The following ATF7IP variants were observed in gnomAD, a reference collection of about 807,000 sequenced individuals.
The protein encoded by ATF7IP is activating transcription factor 7-interacting protein 1.
Under a neutral mutation model 106.4 loss-of-function variants are expected in ATF7IP, and 23 were observed. The ratio of observed to expected loss-of-function variants is 0.22; its 90% CI spans 0.16 to 0.31. ATF7IP has a LOEUF of 0.31. ATF7IP is among the 10% of genes least tolerant of loss of function. The pLI is 1.00. For missense variants in ATF7IP, 1,334 were observed against 1,524.3 expected (o/e 0.88, Z 2.08); for synonymous variants, 542 against 539.0 (o/e 1.01, Z -0.08).
intron 8 of ATF7IP, among the ~76,000 whole-genome samples, chr12:14,458,627 T>C (rs1755851705): frequency 6.6e-6 from 1 of 152,110 alleles, no homozygotes; most frequent in South Asian, 2.1e-4. Flanking sequence ...GTTCCGGGCC[T>C]GCCGGGGCAA....
chr12:14,433,119 A>T (rs1942223327), intron 2 of ATF7IP, among the ~76,000 whole-genome samples: 1 of 152,146 alleles, frequency 6.6e-6, no homozygotes, highest in Admixed American at 6.6e-5. Flanking sequence ...CTGTAATCCC[A>T]GCACTTTGGG....
chr12:14,368,628 A>AT (rs1179886124), intron 1 of ATF7IP, among the ~76,000 whole-genome samples: 1 of 152,120 alleles, frequency 6.6e-6, no homozygotes, highest in Non-Finnish European at 1.5e-5. Flanking sequence ...TTTGAAAAGC[A>AT]TTTTTTATCA....
chr12:14,440,129 C>A (rs1467755865), intron 5 of ATF7IP, among the ~76,000 whole-genome samples: 1 of 152,156 alleles, frequency 6.6e-6, no homozygotes, highest in Non-Finnish European at 1.5e-5. Context: ...GGAAACCGAT[C>A]CCTCTCAATC....
intron 1 of ATF7IP, among the ~76,000 whole-genome samples, chr12:14,404,575 G>A (rs1044546143): frequency 6.6e-6 from 1 of 152,060 alleles, no homozygotes; most frequent in South Asian, 2.1e-4. Context: ...TAAATGATTT[G>A]CCTAAGATCT....
intron 1 of ATF7IP, among the ~76,000 whole-genome samples, chr12:14,384,799 T>C (rs1939142953): frequency 1.3e-5 from 2 of 151,284 alleles, no homozygotes; most frequent in South Asian, 4.2e-4. Context: ...ATCAATCAAG[T>C]CATTTTCAGG....
intron 8 of ATF7IP, among the ~76,000 whole-genome samples, chr12:14,459,451 G>GT (rs1389310394): frequency 6.6e-6 from 1 of 152,168 alleles, no homozygotes; most frequent in East Asian, 1.9e-4. Context: ...AACTGACTTT[G>GT]TTTTTTACTG....
chr12:14,446,702 G>A (rs2136663523), intron 5 of ATF7IP, among the ~76,000 whole-genome samples: 1 of 152,238 alleles, frequency 6.6e-6, no homozygotes, highest in East Asian at 1.9e-4. Flanking sequence ...ACATATTCAG[G>A]AATGTACTGG....
intron 1 of ATF7IP, among the ~76,000 whole-genome samples, chr12:14,381,262 C>T (rs866866962): frequency 4.6e-5 from 7 of 152,152 alleles, no homozygotes; most frequent in African/African-American, 7.2e-5. Flanking sequence ...GACAGAGTCT[C>T]ATTCGGTCGC....
At chr12:14,489,190 A>G (rs892611660) in intron 13 of ATF7IP, among the ~76,000 whole-genome samples, 15 of 152,146 alleles carry the variant, frequency 9.9e-5, no homozygotes, top group African/African-American at 3.6e-4. Flanking sequence ...GGGCATGGTA[A>G]TACTAACAGA....
chr12:14,385,482 G>A (rs1364685260), intron 1 of ATF7IP: 40 of 1,294,232 alleles, frequency 3.1e-5, no homozygotes, highest in Admixed American at 2.3e-5. Flanking sequence ...TTACTTAGAG[G>A]GGTGAACTTA....
At chr12:14,483,504 C>G (rs1323582424) in intron 13 of ATF7IP, among the ~76,000 whole-genome samples, 1 of 152,114 alleles carries the variant, frequency 6.6e-6, no homozygotes. Context: ...ATTTTGTCTC[C>G]TGGTGGGAGC....
intron 2 of ATF7IP, among the ~76,000 whole-genome samples, chr12:14,433,497 C>T (rs1338881111): frequency 6.6e-6 from 1 of 151,972 alleles, no homozygotes; most frequent in Non-Finnish European, 1.5e-5. Context: ...GAGTGAGACT[C>T]TATCTCAAAA....
chr12:14,387,252 T>TC (rs760543345), intron 1 of ATF7IP, among the ~76,000 whole-genome samples: 18 of 152,074 alleles, frequency 1.2e-4, no homozygotes, highest in Non-Finnish European at 1.6e-4. Flanking sequence ...GGGATTCTAT[T>TC]CATCATTCCT....
At position 14,501,492 on chromosome 12, in the gene ATF7IP, C is replaced by G. The variant is rs1317042066; in HGVS notation, c.*3419C>G. 6.6e-6 allele frequency: 1 copy of G among 152,142 alleles called. No homozygotes were observed. Among genetic ancestry groups the G allele is most frequent in the Non-Finnish European group, 1.5e-5 (1 of 68,018 alleles). The allele number at this position is 152,142 out of a possible 1,614,324, so 9.4% of individuals were successfully genotyped here. A position where few individuals can be genotyped will look rare whatever the true frequency, so the allele number is the denominator to read the frequency against. ...TGCCAAGAAATTTATAAATCACATA[C>G]GAAGACGTCTGTTGCTAACAGTTAA... On this transcript the variant is annotated 3_prime_UTR_variant, in exon 15 of 15. Coordinates refer to ENST00000261168, the MANE Select transcript of ATF7IP (RefSeq NM_018179.5).
chr12:14,466,600 T>C lies in ATF7IP; in HGVS notation c.2862+10T>C, dbSNP rs911949131. Reference sequence around the variant, plus strand: ...TGATAGCACATCACAGGTAAGATTTTTCCTTCTTCTTCAAAGTAAAATCCT... The same window carrying C: ...TGATAGCACATCACAGGTAAGATTTCTCCTTCTTCTTCAAAGTAAAATCCT... On this transcript the variant is annotated intron_variant, in intron 10 of 14. Coordinates refer to ENST00000261168, the MANE Select transcript of ATF7IP (RefSeq NM_018179.5). 1.3e-6 allele frequency: 2 copies of C among 1,578,788 alleles called. No individual in the cohort carries two copies. Among genetic ancestry groups the C allele is most frequent in the African/African-American group, 2.7e-5 (2 of 73,024 alleles).
intron 13 of ATF7IP, 41 bp downstream of exon 13, chr12:14,481,226 G>GTTC (rs750366917): frequency 6.2e-7 from 1 of 1,602,820 alleles, no homozygotes; most frequent in South Asian, 1.1e-5. Context: ...GATACATGTA[G>GTTC]TTCTCTTCAG....
At chr12:14,428,133 GT>G (rs1444565924) in intron 2 of ATF7IP, among the ~76,000 whole-genome samples, 1 of 151,044 alleles carries the variant, frequency 6.6e-6, no homozygotes, top group African/African-American at 2.4e-5. Flanking sequence ...AGCCTTATAA[GT>G]CCTTTAAAAA....
At chr12:14,392,940 C>T (rs1939645539) in intron 1 of ATF7IP, among the ~76,000 whole-genome samples, 1 of 152,182 alleles carries the variant, frequency 6.6e-6, no homozygotes, top group African/African-American at 2.4e-5. Flanking sequence ...CATTGATCTA[C>T]AGTGGGTTGA....
intron 1 of ATF7IP, chr12:14,417,020 A>T (rs534429871): frequency 1.4e-4 from 123 of 851,944 alleles, no homozygotes; most frequent in Middle Eastern, 6.0e-4. Context: ...AAACTTGGTT[A>T]TTAAGAACAC....
Sources: gnomAD v4.1 joint callset for allele counts (sites outside exome capture counted in the v4.1 genomes callset) on GRCh38, gnomAD v4.1.1 for gene constraint, MANE v1.5 for transcripts, NCBI Gene and HGNC (gene_info 2026-07-23, HGNC 2026-07-21) for gene names.